OSBPL1A: variants seen among roughly 807,000 people sequenced by gnomAD.
OSBPL1A encodes oxysterol-binding protein-related protein 1.
OSBPL1A carries 80 observed loss-of-function variants against 137.1 expected under a neutral mutation model. The ratio of observed to expected loss-of-function variants is 0.58; its 90% CI spans 0.49 to 0.70. The LOEUF (loss-of-function observed/expected upper bound fraction) is 0.70. OSBPL1A is among the 30% of genes least tolerant of loss of function. The pLI, the probability that OSBPL1A is intolerant of heterozygous loss-of-function variation, is 0.00. For missense variants in OSBPL1A, 970 were observed against 1,129.4 expected, an observed-to-expected ratio of 0.86 and a Z score of 2.02; for synonymous variants, 365 against 389.7, an observed-to-expected ratio of 0.94 and a Z score of 0.75.
intron 16 of OSBPL1A, among the ~76,000 whole-genome samples, chr18:24,231,441 CA>C (rs2088276363): frequency 2.0e-5 from 3 of 152,044 alleles, no homozygotes; most frequent in Non-Finnish European, 4.4e-5. Flanking sequence ...TACAGGCGCC[CA>C]CCACCACGCC....
chr18:24,220,553 T>G (rs935403863), intron 17 of OSBPL1A, among the ~76,000 whole-genome samples: 1 of 152,150 alleles, frequency 6.6e-6, no homozygotes, highest in Admixed American at 6.5e-5. Context: ...TCTGGCTCAT[T>G]CTGGGCAGGG....
intron 7 of OSBPL1A, among the ~76,000 whole-genome samples, chr18:24,331,820 AT>A (rs548628647): frequency 1.4e-3 from 218 of 152,284 alleles, no homozygotes; most frequent in African/African-American, 5.1e-3. Flanking sequence ...ATATTTGCAT[AT>A]CTGGCTATTG....
intron 16 of OSBPL1A, among the ~76,000 whole-genome samples, chr18:24,233,013 G>C (rs1339770353): frequency 1.3e-5 from 2 of 152,316 alleles, no homozygotes; most frequent in Non-Finnish European, 2.9e-5. Flanking sequence ...CGCTTAGCAA[G>C]AAAGCCTTTC....
intron 24 of OSBPL1A, among the ~76,000 whole-genome samples, chr18:24,168,964 C>G (rs943700471): frequency 5.9e-5 from 9 of 152,214 alleles, no homozygotes; most frequent in Non-Finnish European, 1.2e-4. Flanking sequence ...TTGGGGAGAT[C>G]GTCTTTGTCA....
At chr18:24,200,647 T>G (rs1037743156) in intron 17 of OSBPL1A, among the ~76,000 whole-genome samples, 2 of 151,938 alleles carry the variant, frequency 1.3e-5, no homozygotes, top group South Asian at 4.2e-4. Context: ...ACGTGGCTAG[T>G]GGCAACTGTA....
intron 1 of OSBPL1A, among the ~76,000 whole-genome samples, chr18:24,394,592 A>T (rs1907602033): frequency 6.6e-6 from 1 of 152,188 alleles, no homozygotes. Flanking sequence ...GCTGATTGTT[A>T]CCTTTTAATG....
intron 19 of OSBPL1A, among the ~76,000 whole-genome samples, chr18:24,180,094 G>A (rs1231638485): frequency 6.6e-6 from 1 of 151,968 alleles, no homozygotes; most frequent in Non-Finnish European, 1.5e-5. Context: ...ATTCTCTCAA[G>A]GACTTTTAAA....
At chr18:24,390,908 T>A (rs769971000) in intron 1 of OSBPL1A, among the ~76,000 whole-genome samples, 3 of 151,886 alleles carry the variant, frequency 2.0e-5, no homozygotes, top group Non-Finnish European at 2.9e-5. Flanking sequence ...GAGACCAGCC[T>A]GGCCAACATG....
intron 13 of OSBPL1A, chr18:24,311,596 G>C: frequency 1.5e-6 from 1 of 649,648 alleles, no homozygotes; most frequent in Non-Finnish European, 1.9e-6. Flanking sequence ...ACCAGGAAAG[G>C]TATCACTATG....
At chr18:24,334,935 G>C (rs145811400) in intron 5 of OSBPL1A, among the ~76,000 whole-genome samples, 2 of 152,274 alleles carry the variant, frequency 1.3e-5, no homozygotes, top group Non-Finnish European at 2.9e-5. Flanking sequence ...TCTCGCCCAG[G>C]CTGGAGTGCA....
chr18:24,332,963 G>C lies in OSBPL1A; in HGVS notation c.604C>G (p.Pro202Ala). The change falls in exon 7 of 28, where the codon CCT becomes GCT. Residue 202 changes from proline to alanine, a missense_variant. Pro to Ala is a conservative substitution (Grantham distance 27, BLOSUM62 -1). Around this residue, in one of 2 missense-constraint regions of OSBPL1A, gnomAD observed 647 missense variants for 672.6 expected, o/e 0.96. Coordinates refer to ENST00000319481, the MANE Select transcript of OSBPL1A (RefSeq NM_080597.4). ...ALKLLRSGAD[P>A]NLKNKNDQKP... ...TTACCATTTTTGTTCTTCAGATTAG[G>C]GTCTGCTCCACTTCTTAGAAGCTTT... is the stretch of plus-strand genomic sequence containing the variant. The C allele has an allele frequency of 1.9e-6, 3 of 1,613,996 alleles. No homozygotes were observed. Among genetic ancestry groups the C allele is most frequent in the Non-Finnish European group, 2.5e-6 (3 of 1,179,964 alleles).
intron 26 of OSBPL1A, among the ~76,000 whole-genome samples, chr18:24,165,752 A>C (rs936854620): frequency 6.6e-6 from 1 of 152,098 alleles, no homozygotes; most frequent in Non-Finnish European, 1.5e-5. Context: ...CCTTGGGGGG[A>C]AAAATGCCCC....
chr18:24,196,023 CGTT>C, intron 18 of OSBPL1A, 99 bp downstream of exon 18: 1 of 888,222 alleles, frequency 1.1e-6, no homozygotes, highest in East Asian at 2.6e-5. Context: ...TTCCCATAAA[CGTT>C]GTCGTGCACC....
intron 4 of OSBPL1A, among the ~76,000 whole-genome samples, chr18:24,346,814 C>T (rs115438765): frequency 0.012 from 1,813 of 151,916 alleles, 36 homozygotes; most frequent in African/African-American, 0.04. Flanking sequence ...TGATCATAGT[C>T]ACTGCAGCCT....
chr18:24,253,730 G>A (rs2089184418), intron 15 of OSBPL1A, among the ~76,000 whole-genome samples: 1 of 152,146 alleles, frequency 6.6e-6, no homozygotes, highest in Non-Finnish European at 1.5e-5. Flanking sequence ...AGAACTGGTT[G>A]AGCCAGATTA....
chr18:24,200,388 C>G (rs1483888577), intron 17 of OSBPL1A, among the ~76,000 whole-genome samples: 2 of 151,922 alleles, frequency 1.3e-5, no homozygotes, highest in South Asian at 2.1e-4. Context: ...ATGGTGAAAC[C>G]CTGTCTCTAC....
intron 11 of OSBPL1A, among the ~76,000 whole-genome samples, chr18:24,315,318 A>C (rs1355403691): frequency 6.6e-6 from 1 of 152,074 alleles, no homozygotes; most frequent in East Asian, 1.9e-4. Flanking sequence ...CAAGGGAAAG[A>C]GACAGAGAGA....
chr18:24,320,615 T>C (rs1308330875), intron 7 of OSBPL1A, among the ~76,000 whole-genome samples: 1 of 152,138 alleles, frequency 6.6e-6, no homozygotes, highest in Non-Finnish European at 1.5e-5. Flanking sequence ...GGCCAGACTT[T>C]TGTAAGCCAG....
At chr18:24,291,728 T>C (rs982350146) in intron 14 of OSBPL1A, among the ~76,000 whole-genome samples, 3 of 147,054 alleles carry the variant, frequency 2.0e-5, no homozygotes, top group African/African-American at 7.6e-5. Context: ...AAAAACAAAG[T>C]GAAAAATCTT....
Sources: gnomAD v4.1 joint callset for allele counts (sites outside exome capture counted in the v4.1 genomes callset) on GRCh38, gnomAD v4.1.1 for gene constraint, gnomAD v4.1.1 regional missense constraint, MANE v1.5 for transcripts, NCBI Gene and HGNC (gene_info 2026-07-23, HGNC 2026-07-21) for gene names.